The following FSTL4 variants were observed in gnomAD, a reference collection of about 807,000 sequenced individuals.
The protein encoded by FSTL4 is follistatin like 4.
A neutral mutation model predicts 78.2 loss-of-function variants in FSTL4; 28 were observed. That is an observed-to-expected ratio of 0.36 (90% CI 0.27 to 0.49). FSTL4 has a LOEUF of 0.49. Among genes scored for constraint, FSTL4 ranks in the 20% least tolerant of loss-of-function variants. The pLI is 0.98. For missense variants in FSTL4, 922 were observed against 1,084.9 expected (o/e 0.85, Z 2.11); for synonymous variants, 422 against 440.5 (o/e 0.96, Z 0.53).
At chr5:133,798,105 T>C in the FSTL4 span, among the ~76,000 whole-genome samples, 7 of 152,224 alleles carry the variant, frequency 4.6e-5, no homozygotes, top group African/African-American at 1.7e-4. Context: ...CAATCCTATG[T>C]GGCCCTCCAC....
At chr5:133,731,286 C>T in the FSTL4 span, among the ~76,000 whole-genome samples, 2 of 151,426 alleles carry the variant, frequency 1.3e-5, no homozygotes, top group African/African-American at 4.9e-5. Context: ...GGCCTGAAGA[C>T]AGGGATGGAA....
chr5:133,756,373 A>T, the FSTL4 span, among the ~76,000 whole-genome samples: 1 of 151,578 alleles, frequency 6.6e-6, no homozygotes, highest in African/African-American at 2.4e-5. Context: ...TGTGGCTTTT[A>T]CTCTGTGTGG....
chr5:133,323,124 C>G (rs894233009), intron 4 of FSTL4, among the ~76,000 whole-genome samples: 1 of 152,038 alleles, frequency 6.6e-6, no homozygotes, highest in Non-Finnish European at 1.5e-5. Context: ...CTTAGGCTGC[C>G]GTGTCTACCT....
chr5:133,364,778 T>C (rs1755146273), intron 4 of FSTL4, among the ~76,000 whole-genome samples: 1 of 152,196 alleles, frequency 6.6e-6, no homozygotes. Context: ...CAGTCCCCCT[T>C]ATCTCCAAAG....
intron 2 of FSTL4, among the ~76,000 whole-genome samples, chr5:133,579,603 T>C (rs1053905350): frequency 6.6e-6 from 1 of 152,108 alleles, no homozygotes; most frequent in African/African-American, 2.4e-5. Context: ...GGAGTTCATG[T>C]TTAAATTATT....
chr5:133,445,589 A>G (rs1479984611), intron 3 of FSTL4, among the ~76,000 whole-genome samples: 3 of 151,912 alleles, frequency 2.0e-5, no homozygotes, highest in Non-Finnish European at 2.9e-5. Context: ...ATGAAGCGCC[A>G]CTCCTGGGAG....
the FSTL4 span, among the ~76,000 whole-genome samples, chr5:133,627,187 T>G: frequency 1.4e-5 from 2 of 144,844 alleles, no homozygotes; most frequent in Non-Finnish European, 3.0e-5. Context: ...TGAAGTCTAC[T>G]GTATTAGGCT....
At chr5:133,503,215 A>T (rs776020044) in intron 3 of FSTL4, among the ~76,000 whole-genome samples, 9 of 152,178 alleles carry the variant, frequency 5.9e-5, no homozygotes, top group Non-Finnish European at 1.3e-4. Context: ...AGAACCCACA[A>T]AGTTGCACTA....
the FSTL4 span, among the ~76,000 whole-genome samples, chr5:133,803,630 G>A: frequency 3.3e-5 from 5 of 152,166 alleles, no homozygotes; most frequent in African/African-American, 4.8e-5. Context: ...CAGAAGCATG[G>A]TCTTTCTGGG....
the FSTL4 span, among the ~76,000 whole-genome samples, chr5:133,640,003 C>G: frequency 2.0e-5 from 3 of 152,194 alleles, no homozygotes; most frequent in African/African-American, 7.2e-5. Context: ...CACTGAAATA[C>G]AGATCCCATT....
At chr5:133,621,398 T>C in the FSTL4 span, among the ~76,000 whole-genome samples, 6 of 149,832 alleles carry the variant, frequency 4.0e-5, no homozygotes, top group Non-Finnish European at 8.9e-5. Context: ...AGACTCCGTC[T>C]CAAAAAAACA....
chr5:133,546,609 G>T (rs763844033), intron 3 of FSTL4, among the ~76,000 whole-genome samples: 5 of 151,420 alleles, frequency 3.3e-5, no homozygotes, highest in Non-Finnish European at 5.9e-5. Context: ...AGTATAGACA[G>T]AAGGGATAAG....
the FSTL4 span, among the ~76,000 whole-genome samples, chr5:133,694,399 C>T: frequency 1.3e-5 from 2 of 152,276 alleles, no homozygotes; most frequent in Admixed American, 1.3e-4. Context: ...TAGTCTCCTC[C>T]TCTCAATCAA....
At chr5:133,331,742 G>C (rs1249325969) in intron 4 of FSTL4, among the ~76,000 whole-genome samples, 1 of 152,106 alleles carries the variant, frequency 6.6e-6, no homozygotes. Context: ...TAAATCCCTG[G>C]TCAAAATAAA....
intron 10 of FSTL4, chr5:133,224,460 T>G: frequency 2.6e-6 from 1 of 377,818 alleles, no homozygotes; most frequent in East Asian, 4.3e-5. Context: ...AATCATGCCC[T>G]AGGACCACAG....
the FSTL4 span, among the ~76,000 whole-genome samples, chr5:133,809,913 G>T: frequency 0.19 from 28,184 of 152,208 alleles, 2,838 homozygotes; most frequent in East Asian, 0.41. Flanking sequence ...TGGTGCAGGG[G>T]TCTGGGAATA....
intron 3 of FSTL4, among the ~76,000 whole-genome samples, chr5:133,407,183 A>T (rs1756383550): frequency 6.6e-6 from 1 of 152,240 alleles, no homozygotes; most frequent in South Asian, 2.1e-4. Context: ...GCAGGGCTGC[A>T]GAAGGAAGCC....
At chr5:133,682,762 G>A in the FSTL4 span, among the ~76,000 whole-genome samples, 1 of 152,290 alleles carries the variant, frequency 6.6e-6, no homozygotes. Context: ...AGAGGATGCG[G>A]GGTACAAACT....
intron 2 of FSTL4, among the ~76,000 whole-genome samples, chr5:133,597,927 C>T (rs1405425299): frequency 6.6e-6 from 1 of 152,114 alleles, no homozygotes; most frequent in Non-Finnish European, 1.5e-5. Context: ...CATTTAAAAT[C>T]ACCTCTTTCA....
Sources: gnomAD v4.1 joint callset for allele counts (sites outside exome capture counted in the v4.1 genomes callset) on GRCh38, gnomAD v4.1.1 for gene constraint, MANE v1.5 for transcripts, NCBI Gene and HGNC (gene_info 2026-07-23, HGNC 2026-07-21) for gene names.